The following CNTN4 variants were observed in gnomAD, a reference collection of about 807,000 sequenced individuals.
CNTN4 encodes contactin 4.
A neutral mutation model predicts 122.5 loss-of-function variants in CNTN4; 77 were observed. That is an observed-to-expected ratio of 0.63 (90% CI 0.52 to 0.76). CNTN4 has a LOEUF of 0.76. Among genes scored for constraint, CNTN4 ranks in the 30% least tolerant of loss-of-function variants. The pLI, the probability that CNTN4 is intolerant of heterozygous loss-of-function variation, is 0.00. For missense variants in CNTN4, 1,256 were observed against 1,259.1 expected (o/e 1.00, Z 0.04); for synonymous variants, 512 against 447.0 (o/e 1.15, Z -1.83).
chr3:2,300,096 A>G (rs1390464264), intron 2 of CNTN4, among the ~76,000 whole-genome samples: 3 of 152,282 alleles, frequency 2.0e-5, no homozygotes, highest in Middle Eastern at 3.4e-3. Context: ...CTATTACTGA[A>G]TAGTGGTATG....
chr3:2,387,846 A>T (rs2046306076), intron 3 of CNTN4, among the ~76,000 whole-genome samples: 1 of 152,224 alleles, frequency 6.6e-6, no homozygotes, highest in Non-Finnish European at 1.5e-5. Context: ...GAAGACAGAA[A>T]ACAAAGAGCT....
chr3:2,534,326 C>G (rs1173913732), intron 3 of CNTN4, among the ~76,000 whole-genome samples: 3 of 152,136 alleles, frequency 2.0e-5, no homozygotes, highest in Non-Finnish European at 4.4e-5. Flanking sequence ...CTACATATGG[C>G]TAGCCAGTTT....
intron 4 of CNTN4, among the ~76,000 whole-genome samples, chr3:2,603,283 T>C (rs2081123980): frequency 6.6e-6 from 1 of 152,208 alleles, no homozygotes; most frequent in Admixed American, 6.5e-5. Context: ...GCGTATTTCT[T>C]GATATTGAAA....
intron 3 of CNTN4, among the ~76,000 whole-genome samples, chr3:2,406,468 C>A (rs1440949310): frequency 1.3e-5 from 2 of 152,148 alleles, no homozygotes; most frequent in African/African-American, 2.4e-5. Context: ...TTAGTGAAAC[C>A]ATTGGTAAAA....
chr3:2,816,182 G>A (rs944241331), intron 6 of CNTN4, among the ~76,000 whole-genome samples: 14 of 150,932 alleles, frequency 9.3e-5, no homozygotes, highest in South Asian at 2.1e-4. Flanking sequence ...GTGAAACCCC[G>A]TCTCTACTAA....
At chr3:2,591,640 AGGCG>A (rs2080497048) in intron 4 of CNTN4, among the ~76,000 whole-genome samples, 1 of 151,072 alleles carries the variant, frequency 6.6e-6, no homozygotes, top group African/African-American at 2.4e-5. Flanking sequence ...CTGGGATTAC[AGGCG>A]TGAGCCACCG....
chr3:2,160,669 G>A (rs915376090), intron 2 of CNTN4, among the ~76,000 whole-genome samples: 8 of 152,090 alleles, frequency 5.3e-5, no homozygotes, highest in Non-Finnish European at 1.0e-4. Context: ...CACAGCTCTA[G>A]CAATGTTTCC....
chr3:2,132,528 C>T (rs542226363), intron 2 of CNTN4: 1 of 152,270 alleles, frequency 6.6e-6, no homozygotes, highest in East Asian at 1.9e-4. Flanking sequence ...CTTTGACAAT[C>T]CAGAAAGCAA....
At chr3:2,585,437 C>A (rs4685530) in intron 4 of CNTN4, among the ~76,000 whole-genome samples, 74,423 of 151,812 alleles carry the variant, frequency 0.49, 18,647 homozygotes, top group East Asian at 0.57. Flanking sequence ...TTGGAACCAA[C>A]CCAAATGTCC....
At chr3:2,965,290 A>G (rs1169528537) in intron 13 of CNTN4, among the ~76,000 whole-genome samples, 1 of 151,984 alleles carries the variant, frequency 6.6e-6, no homozygotes, top group Admixed American at 6.6e-5. Context: ...CCTAAATTGT[A>G]TTGTTTTGTG....
chr3:2,424,412 C>T (rs757474416), intron 3 of CNTN4, among the ~76,000 whole-genome samples: 34 of 152,014 alleles, frequency 2.2e-4, no homozygotes, highest in African/African-American at 3.1e-4. Flanking sequence ...TTTTTATGGC[C>T]GCATAGTATT....
chr3:3,045,593 A>C (rs536767366), intron 23 of CNTN4, among the ~76,000 whole-genome samples: 35 of 152,380 alleles, frequency 2.3e-4, no homozygotes, highest in Non-Finnish European at 4.3e-4. Context: ...GAACACTAAC[A>C]AACAGAAAGG....
intron 2 of CNTN4, among the ~76,000 whole-genome samples, chr3:2,147,654 C>T (rs1185040617): frequency 6.6e-6 from 1 of 152,180 alleles, no homozygotes; most frequent in Non-Finnish European, 1.5e-5. Flanking sequence ...CCCATCTCAA[C>T]AGGCTTCACT....
At chr3:2,175,637 T>C (rs1456848403) in intron 2 of CNTN4, among the ~76,000 whole-genome samples, 2 of 152,174 alleles carry the variant, frequency 1.3e-5, no homozygotes, top group Non-Finnish European at 2.9e-5. Flanking sequence ...TAACTACTGC[T>C]TGATACCAGA....
chr3:2,550,321 T>A (rs997357954), intron 3 of CNTN4, among the ~76,000 whole-genome samples: 1 of 152,134 alleles, frequency 6.6e-6, no homozygotes, highest in African/African-American at 2.4e-5. Flanking sequence ...AAAGGAGACA[T>A]TTATGCGGCC....
At chr3:2,580,687 T>C (rs1026248726) in intron 4 of CNTN4, among the ~76,000 whole-genome samples, 2 of 152,194 alleles carry the variant, frequency 1.3e-5, no homozygotes, top group African/African-American at 4.8e-5. Context: ...AGTATTTGCT[T>C]AACAGTCTAT....
intron 2 of CNTN4, among the ~76,000 whole-genome samples, chr3:2,189,212 T>C (rs1159287834): frequency 1.3e-5 from 2 of 152,194 alleles, no homozygotes; most frequent in Non-Finnish European, 2.9e-5. Context: ...AGCTTCCACA[T>C]GCAGGGTGTG....
intron 2 of CNTN4, among the ~76,000 whole-genome samples, chr3:2,331,243 T>C (rs138667871): frequency 0.033 from 5,017 of 152,306 alleles, 126 homozygotes; most frequent in Non-Finnish European, 0.046. Context: ...TTTTTGAAGA[T>C]ACTTATTTTC....
intron 6 of CNTN4, among the ~76,000 whole-genome samples, chr3:2,760,414 C>T (rs2090536011): frequency 6.6e-6 from 1 of 151,994 alleles, no homozygotes; most frequent in Non-Finnish European, 1.5e-5. Context: ...TGCACGTTAT[C>T]GGTTTTAATA....
Sources: allele counts gnomAD v4.1 joint callset (sites outside exome capture counted in the v4.1 genomes callset), GRCh38; gene constraint gnomAD v4.1.1; transcripts MANE v1.5; gene names NCBI Gene and HGNC (gene_info 2026-07-23, HGNC 2026-07-21).